TCF12: variants seen among roughly 807,000 people sequenced by gnomAD.
TCF12 encodes the protein DNA-binding protein HTF4.
A neutral mutation model predicts 86.0 loss-of-function variants in TCF12; 45 were observed. That is an observed-to-expected ratio of 0.52 (90% CI 0.41 to 0.67). The LOEUF (loss-of-function observed/expected upper bound fraction) is 0.67, where lower values mean the gene tolerates loss of function less well. Ranked by LOEUF, TCF12 falls within the 30% of genes least tolerant of loss-of-function variation. The pLI, the probability that TCF12 is intolerant of heterozygous loss-of-function variation, is 0.00. For missense variants in TCF12, 881 were observed against 859.9 expected, an observed-to-expected ratio of 1.02 and a Z score of -0.31; for synonymous variants, 330 against 299.6, an observed-to-expected ratio of 1.10 and a Z score of -1.05.
At chr15:56,942,107 A>T (rs2060805531) in intron 3 of TCF12, among the ~76,000 whole-genome samples, 1 of 152,150 alleles carries the variant, frequency 6.6e-6, no homozygotes, top group Non-Finnish European at 1.5e-5. Context: ...CCGCCTTACC[A>T]GTCTTAAGGT....
At chr15:57,083,513 TG>T (rs1414921457) in intron 4 of TCF12, among the ~76,000 whole-genome samples, 36 of 152,210 alleles carry the variant, frequency 2.4e-4, no homozygotes, top group Middle Eastern at 6.8e-3. Context: ...TATAGGCAAA[TG>T]AAAAAAATAC....
intron 4 of TCF12, among the ~76,000 whole-genome samples, chr15:57,074,485 G>A (rs969020726): frequency 4.6e-5 from 7 of 151,870 alleles, no homozygotes; most frequent in African/African-American, 1.7e-4. Flanking sequence ...GTTTTTAAAT[G>A]CCCAACAAGA....
chr15:57,096,645 G>T lies in TCF12; in HGVS notation c.325+4754G>T, dbSNP rs59245599. ...TAATTGCTGTGTAAATAGTTCTTATGTTGGATTGTTTAGGGCATAATGACA... is the reference window on the plus strand; with the variant it reads ...TAATTGCTGTGTAAATAGTTCTTATTTTGGATTGTTTAGGGCATAATGACA... On this transcript the variant is annotated intron_variant, in intron 5 of 20. Coordinates refer to ENST00000333725, the MANE Select transcript of TCF12 (RefSeq NM_207037.2). Among the ~76,000 whole-genome samples, 71 of 152,168 alleles carry T rather than the reference G, an allele frequency of 4.7e-4. No homozygotes were observed. The East Asian group carries it at 0.012, about 25-fold the overall frequency.
chr15:57,088,496 G>GTT (rs5812864), intron 4 of TCF12, among the ~76,000 whole-genome samples: 2 of 146,702 alleles, frequency 1.4e-5, no homozygotes. Flanking sequence ...AATTGCTTTA[G>GTT]TTTTTTTTTT....
chr15:57,268,620 G>A (rs1319985277), intron 18 of TCF12, among the ~76,000 whole-genome samples: 3 of 152,104 alleles, frequency 2.0e-5, no homozygotes, highest in Non-Finnish European at 2.9e-5. Flanking sequence ...TAATATTTTT[G>A]TACATTATTT....
chr15:57,274,234 T>C (rs2061277640), intron 19 of TCF12, among the ~76,000 whole-genome samples: 1 of 152,152 alleles, frequency 6.6e-6, no homozygotes, highest in Non-Finnish European at 1.5e-5. Context: ...CAGCATTAGA[T>C]TACAGAATGA....
chr15:57,214,136 G>A (rs1053524648), intron 8 of TCF12: 2 of 152,246 alleles, frequency 1.3e-5, no homozygotes, highest in African/African-American at 4.8e-5. Flanking sequence ...GCCAAGAGAT[G>A]CAGGGGCAGG....
chr15:56,976,981 T>A (rs2062637430), intron 3 of TCF12, among the ~76,000 whole-genome samples: 1 of 152,172 alleles, frequency 6.6e-6, no homozygotes, highest in Non-Finnish European at 1.5e-5. Flanking sequence ...CTAGCCACAT[T>A]TCAAGTGCTC....
intron 5 of TCF12, among the ~76,000 whole-genome samples, chr15:57,115,959 C>G (rs193172446): frequency 5.3e-4 from 80 of 152,244 alleles, no homozygotes; most frequent in Admixed American, 9.2e-4. Context: ...TTTTCCTTCT[C>G]TCTTCTGTCC....
intron 4 of TCF12, among the ~76,000 whole-genome samples, chr15:57,073,088 G>A (rs536296150): frequency 6.6e-6 from 1 of 152,090 alleles, no homozygotes; most frequent in East Asian, 1.9e-4. Flanking sequence ...TTTCTTCCTG[G>A]GGACAACACT....
At chr15:57,114,943 A>G (rs2050741374) in intron 5 of TCF12, among the ~76,000 whole-genome samples, 1 of 152,160 alleles carries the variant, frequency 6.6e-6, no homozygotes, top group Non-Finnish European at 1.5e-5. Context: ...GTAATGCAAC[A>G]AGGAAGGAAA....
At chr15:56,990,777 T>G (rs2063414471) in intron 3 of TCF12, among the ~76,000 whole-genome samples, 1 of 144,944 alleles carries the variant, frequency 6.9e-6, no homozygotes, top group Admixed American at 7.2e-5. Context: ...TCTTTATAAC[T>G]CTTCAGAATT....
intron 3 of TCF12, among the ~76,000 whole-genome samples, chr15:56,961,639 A>T (rs1416115390): frequency 6.6e-6 from 1 of 152,218 alleles, no homozygotes; most frequent in African/African-American, 2.4e-5. Flanking sequence ...TCATGTTTCA[A>T]ACTGCTGGTC....
At chr15:56,984,303 A>T (rs1404391663) in intron 3 of TCF12, among the ~76,000 whole-genome samples, 3 of 98,774 alleles carry the variant, frequency 3.0e-5, no homozygotes, top group Non-Finnish European at 6.9e-5. Context: ...TGAAGGGTGG[A>T]GAGGGAGAGA....
intron 13 of TCF12, among the ~76,000 whole-genome samples, chr15:57,244,085 C>T (rs1409566693): frequency 6.6e-6 from 1 of 151,990 alleles, no homozygotes. Context: ...CATTATGTTG[C>T]CCAGCCTAGT....
intron 7 of TCF12, among the ~76,000 whole-genome samples, chr15:57,196,504 C>T (rs1398595691): frequency 6.6e-6 from 1 of 152,200 alleles, no homozygotes; most frequent in African/African-American, 2.4e-5. Flanking sequence ...TTACACTTTA[C>T]ATCAGCTTCC....
intron 12 of TCF12, among the ~76,000 whole-genome samples, chr15:57,242,743 A>G (rs1246063678): frequency 6.6e-6 from 1 of 152,222 alleles, no homozygotes; most frequent in East Asian, 1.9e-4. Flanking sequence ...AATATGAAAT[A>G]TATATAAAGT....
chr15:57,163,109 G>A (rs538592472), intron 5 of TCF12, among the ~76,000 whole-genome samples: 2 of 152,160 alleles, frequency 1.3e-5, no homozygotes, highest in African/African-American at 4.8e-5. Context: ...AGGAGGTGGA[G>A]GTTGCAGTGA....
chr15:57,028,387 A>G (rs763209719), intron 3 of TCF12, among the ~76,000 whole-genome samples: 6 of 152,072 alleles, frequency 3.9e-5, no homozygotes, highest in African/African-American at 1.5e-4. Flanking sequence ...CACACTTGGT[A>G]TTGTCAGTCA....
Sources: allele counts gnomAD v4.1 joint callset (sites outside exome capture counted in the v4.1 genomes callset), GRCh38; gene constraint gnomAD v4.1.1; transcripts MANE v1.5; gene names NCBI Gene and HGNC (gene_info 2026-07-23, HGNC 2026-07-21).